Variants in WWP2 observed in about 807,000 individuals in gnomAD.
The protein encoded by WWP2 is WW domain containing E3 ubiquitin protein ligase 2.
In WWP2, 57 loss-of-function variants were observed where a neutral mutation model predicts 121.0. The observed-to-expected ratio is 0.47, with a 90% confidence interval of 0.38 to 0.59. The LOEUF is 0.59. Ranked by LOEUF, WWP2 falls within the 20% of genes least tolerant of loss-of-function variation. The probability of loss-of-function intolerance (pLI) is 0.00; values close to 1 mark genes in which losing one functional copy is unlikely to be tolerated. For missense variants in WWP2, 962 were observed against 1,158.9 expected (o/e 0.83, Z 2.47); for synonymous variants, 449 against 441.3 (o/e 1.02, Z -0.22).
chr16:69,904,196 G>A (rs2058251591), intron 8 of WWP2, among the ~76,000 whole-genome samples: 1 of 152,180 alleles, frequency 6.6e-6, no homozygotes, highest in African/African-American at 2.4e-5. Flanking sequence ...CAGACAGAAG[G>A]TATTTGGAGA....
At chr16:69,924,864 C>T (rs2058616154) in intron 10 of WWP2, 2 of 939,774 alleles carry the variant, frequency 2.1e-6, no homozygotes, top group Admixed American at 6.1e-5. Flanking sequence ...GGACGCTGCA[C>T]ACCCAGATGG....
chr16:69,835,530 G>A (rs954454508), intron 4 of WWP2, among the ~76,000 whole-genome samples: 2 of 152,164 alleles, frequency 1.3e-5, no homozygotes, highest in African/African-American at 4.8e-5. Flanking sequence ...TTGAAAGAGT[G>A]ATACAGTGAA....
intron 4 of WWP2, among the ~76,000 whole-genome samples, chr16:69,817,492 C>T (rs187087832): frequency 2.0e-5 from 3 of 152,258 alleles, no homozygotes; most frequent in South Asian, 4.1e-4. Context: ...TCAAGTGATC[C>T]ACCCACCTTG....
chr16:69,809,333 A>C (rs902171221), intron 4 of WWP2, among the ~76,000 whole-genome samples: 2 of 152,152 alleles, frequency 1.3e-5, no homozygotes, highest in South Asian at 4.1e-4. Context: ...GTAATTGCAA[A>C]TCTTCCCAAA....
At position 69,789,252 on chromosome 16, in the gene WWP2, T is replaced by C. The variant is rs565744102; in HGVS notation, c.70+2172T>C. 2.6e-5 allele frequency among the ~76,000 whole-genome samples: 4 copies of C among 152,020 alleles called. No individual in the cohort carries two copies. In the South Asian group the frequency reaches 6.2e-4, roughly 24 times the overall value. ...TTTTTGTTTGTTTGTTTTTTTGAGA[T>C]GGAGTCTCGCTCTGTTGCTCAGGCT... On this transcript the variant is annotated intron_variant, in intron 2 of 23. Transcript: ENST00000359154.
chr16:69,804,790 A>C (rs774138710), intron 4 of WWP2, among the ~76,000 whole-genome samples: 39 of 152,152 alleles, frequency 2.6e-4, no homozygotes, highest in Non-Finnish European at 2.9e-5. Flanking sequence ...GGGAATTTTC[A>C]TACTGAACTC....
intron 14 of WWP2, 68 bp from the exon 15 acceptor site, chr16:69,931,441 C>G: frequency 1.3e-6 from 2 of 1,589,898 alleles, no homozygotes; most frequent in Non-Finnish European, 8.6e-7. Context: ...AATGCCTGTT[C>G]ATACAGACAG....
intron 1 of WWP2, among the ~76,000 whole-genome samples, chr16:69,768,346 C>T (rs1367830216): frequency 6.6e-6 from 1 of 152,138 alleles, no homozygotes; most frequent in African/African-American, 2.4e-5. Context: ...TGGTGGCTCA[C>T]ACCTATAATC....
At chr16:69,838,237 C>T (rs1178921865) in intron 4 of WWP2, among the ~76,000 whole-genome samples, 1 of 151,964 alleles carries the variant, frequency 6.6e-6, no homozygotes, top group Non-Finnish European at 1.5e-5. Context: ...AAAAAGGTGC[C>T]ATGATTACCC....
rs35485826 is a variant in WWP2, at chr16:69,899,726, C to CAAAAAAAA, written c.915-9017_915-9010dup. ...TGGGTGACAGAGTGAGACTCCGTCT[C>CAAAAAAAA]AAAAAAAAAAAAAAAAAAAAAAAAA... On this transcript the variant is annotated intron_variant, in intron 8 of 23. Transcript: ENST00000359154. Among the ~76,000 whole-genome samples, 18 of 64,742 alleles carry CAAAAAAAA rather than the reference C, an allele frequency of 2.8e-4. 1 individual carries two copies. The highest frequency in any genetic ancestry group is 4.7e-4 in the Non-Finnish European group (16 of 33,766). 42.5% of individuals were successfully genotyped at this position (64,742 alleles called of 152,430 possible).
intron 4 of WWP2, among the ~76,000 whole-genome samples, chr16:69,806,027 T>C (rs2056267694): frequency 6.6e-6 from 1 of 151,792 alleles, no homozygotes; most frequent in Admixed American, 6.6e-5. Flanking sequence ...CAAGACCCTG[T>C]CTCTACTAAA....
intron 6 of WWP2, among the ~76,000 whole-genome samples, chr16:69,849,172 C>G (rs566618812): frequency 6.6e-6 from 1 of 152,178 alleles, no homozygotes; most frequent in Admixed American, 6.5e-5. Flanking sequence ...ACTGTGAACA[C>G]TTCAGGAAGT....
chr16:69,795,664 T>G (rs1204635396), intron 2 of WWP2, among the ~76,000 whole-genome samples: 2 of 137,918 alleles, frequency 1.5e-5, no homozygotes, highest in East Asian at 2.1e-4. Context: ...TTTTTTTTTT[T>G]TTTTTTTTTT....
intron 8 of WWP2, among the ~76,000 whole-genome samples, chr16:69,894,309 G>A (rs1288732724): frequency 6.7e-6 from 1 of 150,206 alleles, no homozygotes; most frequent in Non-Finnish European, 1.5e-5. Flanking sequence ...TCAAACTCCT[G>A]GGCTCAAGCG....
chr16:69,902,627 G>A (rs1268877825), intron 8 of WWP2, among the ~76,000 whole-genome samples: 3 of 152,228 alleles, frequency 2.0e-5, no homozygotes, highest in Non-Finnish European at 2.9e-5. Flanking sequence ...GTTGAGACCC[G>A]TGGGTAGTTT....
intron 1 of WWP2, among the ~76,000 whole-genome samples, chr16:69,776,549 G>A (rs1198530145): frequency 6.6e-6 from 1 of 152,170 alleles, no homozygotes; most frequent in African/African-American, 2.4e-5. Context: ...ATGATAATAG[G>A]CCGGGCGCAG....
At chr16:69,803,790 C>G (rs1215300079) in intron 4 of WWP2, among the ~76,000 whole-genome samples, 4 of 152,148 alleles carry the variant, frequency 2.6e-5, no homozygotes, top group Non-Finnish European at 5.9e-5. Flanking sequence ...CGCCTGTAAT[C>G]CCAGCTACTC....
chr16:69,798,263 C>A (rs989876017), intron 2 of WWP2, among the ~76,000 whole-genome samples: 1 of 152,122 alleles, frequency 6.6e-6, no homozygotes, highest in African/African-American at 2.4e-5. Context: ...GTAATTTCCC[C>A]AGAGCGAACA....
chr16:69,938,763 C>T (rs1017058482), intron 21 of WWP2, among the ~76,000 whole-genome samples: 4 of 152,212 alleles, frequency 2.6e-5, no homozygotes, highest in East Asian at 1.9e-4. Flanking sequence ...AAAAGCAGAA[C>T]GTGGATGGGA....
Sources: allele counts gnomAD v4.1 joint callset (sites outside exome capture counted in the v4.1 genomes callset), GRCh38; gene constraint gnomAD v4.1.1; transcripts MANE v1.5; gene names NCBI Gene and HGNC (gene_info 2026-07-23, HGNC 2026-07-21).